The following FOXA3 variants were observed in gnomAD, a reference collection of about 807,000 sequenced individuals.
FOXA3 encodes the protein forkhead box A3.
In FOXA3, 11 loss-of-function variants were observed where a neutral mutation model predicts 16.9. The ratio of observed to expected loss-of-function variants is 0.65; its 90% confidence interval spans 0.41 to 1.08. FOXA3 has a LOEUF of 1.08. Ranked by LOEUF, FOXA3 falls within the 50% of genes least tolerant of loss-of-function variation. The pLI, the probability that FOXA3 is intolerant of heterozygous loss-of-function variation, is 0.00. For missense variants in FOXA3, 423 were observed against 470.1 expected, an observed-to-expected ratio of 0.90 and a Z score of 0.93; for synonymous variants, 217 against 203.3, an observed-to-expected ratio of 1.07 and a Z score of -0.57.
intron 1 of FOXA3, among the ~76,000 whole-genome samples, chr19:45,869,709 GATA>G (rs1490320696): frequency 2.0e-5 from 3 of 152,072 alleles, no homozygotes; most frequent in Admixed American, 6.6e-5. Flanking sequence ...ATAGTAAATG[GATA>G]ATATTATTAG....
In FOXA3 at chr19:45,864,488, ACCTGG is replaced by A; in HGVS notation, c.35_39del (p.Leu12ArgfsTer129). ...GGCTCAGTGAAGATGGAGGCCCATG[ACCTGG>A]CCGAGTGGAGCTACTACCCGGAGGC... On this transcript the variant is annotated frameshift_variant, in exon 1 of 2. Coordinates refer to ENST00000302177, the MANE Select transcript of FOXA3 (RefSeq NM_004497.3). LOFTEE classifies it high-confidence loss of function. 1 of 1,543,998 alleles carries A rather than the reference ACCTGG, an allele frequency of 6.5e-7. No individual in the cohort carries two copies. The highest frequency in any genetic ancestry group is 8.7e-7 in the Non-Finnish European group (1 of 1,143,330).
rs776353999 is a variant in FOXA3 at position 45,872,737 on chromosome 19, G to T, written c.732G>T (p.Ala244=). The change falls in exon 2 of 2, where the codon GCG becomes GCT. Residue 244 remains alanine (A), a synonymous_variant. Coordinates refer to ENST00000302177, the MANE Select transcript of FOXA3 (RefSeq NM_004497.3). The surrounding 1 kb of genome is among the most constrained non-coding windows in gnomAD (Gnocchi z 4.5). ...TGSAASTTTP[A]ATVTSPPQPP... ...CTGCTGCCTCGACCACCACCCCCGC[G>T]GCCACAGTCACCTCCCCGCCCCAGC... The T allele has an allele frequency of 6.9e-6, 11 of 1,602,390 alleles. No homozygotes were observed. The highest frequency in any genetic ancestry group is 9.4e-6 in the Non-Finnish European group (11 of 1,175,228).
At chr19:45,867,855 T>G (rs1355086785) in intron 1 of FOXA3, among the ~76,000 whole-genome samples, 49 of 92,634 alleles carry the variant, frequency 5.3e-4, no homozygotes, top group South Asian at 1.2e-3. Flanking sequence ...GGGAGGGGAG[T>G]GGGGTAGAGT....
chr19:45,868,031 T>C (rs1279384481), intron 1 of FOXA3, among the ~76,000 whole-genome samples: 1 of 135,770 alleles, frequency 7.4e-6, no homozygotes, highest in Non-Finnish European at 1.6e-5. Flanking sequence ...GGGAAAACAA[T>C]GCGGGGGTGG....
chr19:45,869,300 A>G (rs2146361387), intron 1 of FOXA3, among the ~76,000 whole-genome samples: 1 of 152,214 alleles, frequency 6.6e-6, no homozygotes, highest in East Asian at 1.9e-4. Context: ...CTGGTTGCAG[A>G]ATCCCAGTTC....
chr19:45,864,581 C>A, intron 1 of FOXA3, 56 bp downstream of exon 1: 1 of 1,398,924 alleles, frequency 7.1e-7, no homozygotes, highest in South Asian at 1.5e-5. Context: ...GGGGTGTGGG[C>A]TCACATGGAG....
chr19:45,872,224 C>G lies in FOXA3; in HGVS notation c.219C>G (p.Pro73=), dbSNP rs1480866688. ...TGGCACCCCCAGCACCTGCAGCCCC[C>G]CTGGGGCCCACTTTCCCAGGCCTGG... ...GPLAPPAPAA[P]LGPTFPGLGV... is the part of the protein sequence containing the mutation. Residue 73 remains proline (P), a synonymous_variant, in exon 2 of 2, where the codon CCC becomes CCG. Coordinates refer to ENST00000302177, the MANE Select transcript of FOXA3 (RefSeq NM_004497.3). This position sits in a 1 kb window ranked among gnomAD's most constrained non-coding sequence, Gnocchi z 4.5. 11 of 1,605,720 alleles carry G rather than the reference C, an allele frequency of 6.9e-6. No homozygotes were observed. The highest frequency in any genetic ancestry group is 9.4e-6 in the Non-Finnish European group (11 of 1,174,524).
Position 45,872,482 on chromosome 19 carries a change from G to A in FOXA3, c.477G>A (p.Gln159=), listed in dbSNP as rs1215464922. The A allele has an allele frequency of 1.9e-6, 3 of 1,614,064 alleles. No individual in the cohort carries two copies. The African/African-American group carries it at 4.0e-5, about 22-fold the overall frequency. The part of the protein sequence containing the change: ...DLFPYYRENQ[Q]RWQNSIRHSL... ...TCCCTTACTACCGGGAGAATCAGCA[G>A]CGCTGGCAGAACTCCATTCGCCACT... Residue 159 remains glutamine (Q), a synonymous_variant, in exon 2 of 2, where the codon CAG becomes CAA. Coordinates refer to ENST00000302177, the MANE Select transcript of FOXA3 (RefSeq NM_004497.3). This position sits in a 1 kb window ranked among gnomAD's most constrained non-coding sequence, Gnocchi z 4.5.
chr19:45,872,550 C>T lies in FOXA3; in HGVS notation c.545C>T (p.Pro182Leu). 1 of 1,614,178 alleles carries T rather than the reference C, an allele frequency of 6.2e-7. No individual in the cohort carries two copies. The highest frequency in any genetic ancestry group is 1.1e-5 in the South Asian group (1 of 91,084). Residue 182 changes from proline to leucine, a missense_variant, in exon 2 of 2, where the codon CCA becomes CTA. Transcript: ENST00000302177. The surrounding 1 kb of genome is among the most constrained non-coding windows in gnomAD (Gnocchi z 4.5). Reference sequence around the variant, plus strand: ...TGCTTCGTCAAGGTGGCGCGTTCCCCAGACAAGCCTGGCAAGGGCTCCTAC... The same window carrying T: ...TGCTTCGTCAAGGTGGCGCGTTCCCTAGACAAGCCTGGCAAGGGCTCCTAC... ...NDCFVKVARS[P>L]DKPGKGSYWA...
chr19:45,871,691 G>A (rs1379505552), intron 1 of FOXA3, among the ~76,000 whole-genome samples: 8 of 151,922 alleles, frequency 5.3e-5, no homozygotes, highest in South Asian at 2.1e-4. Flanking sequence ...GTGAGATCAC[G>A]CCACTGCACT....
rs1197429768 is a variant in FOXA3, at chr19:45,872,773, A to G, written c.768A>G (p.Pro256=). The change falls in exon 2 of 2, where the codon CCA becomes CCG. Residue 256 remains proline (P), a synonymous_variant. Transcript: ENST00000302177. This position sits in a 1 kb window ranked among gnomAD's most constrained non-coding sequence, Gnocchi z 4.5. ...TVTSPPQPPP[P]APEPEAQGGE... ...CCTCCCCGCCCCAGCCCCCGCCTCC[A>G]GCCCCTGAGCCTGAGGCCCAGGGCG... The G allele has an allele frequency of 2.5e-6, 4 of 1,610,850 alleles. 1 individual carries two copies. The highest frequency in any genetic ancestry group is 3.3e-5 in the Admixed American group (2 of 59,938).
At position 45,872,386 on chromosome 19, in the gene FOXA3, C is replaced by T. The variant is rs1419388253; in HGVS notation, c.381C>T (p.Thr127=). 1 of 1,614,110 alleles carries T rather than the reference C, an allele frequency of 6.2e-7. No individual in the cohort carries two copies. The highest frequency in any genetic ancestry group is 8.5e-7 in the Non-Finnish European group (1 of 1,180,046). The change falls in exon 2 of 2, where the codon ACC becomes ACT. Residue 127 remains threonine (T), a synonymous_variant. Coordinates refer to ENST00000302177, the MANE Select transcript of FOXA3 (RefSeq NM_004497.3). This position sits in a 1 kb window ranked among gnomAD's most constrained non-coding sequence, Gnocchi z 4.5. ...CGTATTCCTATATCTCACTCATCAC[C>T]ATGGCCATCCAGCAGGCGCCGGGCA... The part of the protein sequence containing the change: ...KPPYSYISLI[T]MAIQQAPGKM...
chr19:45,865,457 C>T (rs1228840752), intron 1 of FOXA3, among the ~76,000 whole-genome samples: 1 of 152,180 alleles, frequency 6.6e-6, no homozygotes, highest in Non-Finnish European at 1.5e-5. Context: ...ACGACCCCTA[C>T]ACCTTAGCTA....
In FOXA3 at chr19:45,872,670, G is replaced by T. The variant is rs767307934; in HGVS notation, c.665G>T (p.Gly222Val). 1 of 1,611,908 alleles carries T rather than the reference G, an allele frequency of 6.2e-7. No individual in the cohort carries two copies. Among genetic ancestry groups the T allele is most frequent in the Admixed American group, 1.7e-5 (1 of 59,700 alleles). Residue 222 changes from glycine (G) to valine (V), a missense_variant, in exon 2 of 2, where the codon GGG (glycine) becomes GTG (valine). Gly to Val is a moderately radical substitution (Grantham distance 109). Coordinates refer to ENST00000302177, the MANE Select transcript of FOXA3 (RefSeq NM_004497.3). The surrounding 1 kb of genome is among the most constrained non-coding windows in gnomAD (Gnocchi z 4.5). ...RFKLEEKVKK[G>V]GSGAATTTRN... is the part of the protein sequence containing the mutation. ...AAGCTGGAGGAGAAGGTGAAAAAAGGGGGCAGCGGGGCTGCCACCACCACC... is the reference window on the plus strand; with the variant it reads ...AAGCTGGAGGAGAAGGTGAAAAAAGTGGGCAGCGGGGCTGCCACCACCACC...
chr19:45,870,395 G>A (rs187307096), intron 1 of FOXA3, among the ~76,000 whole-genome samples: 114 of 150,278 alleles, frequency 7.6e-4, no homozygotes, highest in Non-Finnish European at 1.4e-3. Flanking sequence ...AGATGGTCTC[G>A]ATCTCCTGAC....
intron 1 of FOXA3, among the ~76,000 whole-genome samples, chr19:45,865,006 C>A (rs1972068681): frequency 6.6e-6 from 1 of 151,988 alleles, no homozygotes. Context: ...TGTTAAAGAA[C>A]CGGGGTTCGG....
intron 1 of FOXA3, among the ~76,000 whole-genome samples, chr19:45,868,838 C>A (rs183896081): frequency 5.9e-5 from 9 of 152,250 alleles, no homozygotes; most frequent in Admixed American, 2.0e-4. Context: ...GTTTTCCTGG[C>A]GTGTTCTGTT....
intron 1 of FOXA3, 39 bp downstream of exon 1, chr19:45,864,564 A>G (rs746084685): frequency 1.4e-6 from 2 of 1,479,574 alleles, no homozygotes; most frequent in African/African-American, 1.4e-5. Context: ...AGTTGGGGGC[A>G]GGTATCGGGG....
In FOXA3 at chr19:45,872,562, G is replaced by A. The variant is rs1474152755; in HGVS notation, c.557G>A (p.Gly186Asp). Residue 186 changes from glycine to aspartate, a missense_variant, in exon 2 of 2, where the codon GGC becomes GAC. Coordinates refer to ENST00000302177, the MANE Select transcript of FOXA3 (RefSeq NM_004497.3). This position sits in a 1 kb window ranked among gnomAD's most constrained non-coding sequence, Gnocchi z 4.5. ...GTGGCGCGTTCCCCAGACAAGCCTG[G>A]CAAGGGCTCCTACTGGGCCCTACAC... ...VKVARSPDKPGKGSYWALHPS... is the reference protein window; with the variant it reads ...VKVARSPDKPDKGSYWALHPS... 1 of 1,614,166 alleles carries A rather than the reference G, an allele frequency of 6.2e-7. No individual in the cohort carries two copies. Among genetic ancestry groups the A allele is most frequent in the Admixed American group, 1.7e-5 (1 of 60,032 alleles).
Sources: gnomAD v4.1 joint callset for allele counts (sites outside exome capture counted in the v4.1 genomes callset) on GRCh38, gnomAD v4.1.1 for gene constraint, Gnocchi (gnomAD v3.1) non-coding constraint, MANE v1.5 for transcripts, NCBI Gene and HGNC (gene_info 2026-07-23, HGNC 2026-07-21) for gene names.